Variants in SPG21 observed in about 807,000 individuals in gnomAD.
SPG21 encodes SPG21 abhydrolase domain containing, maspardin, also known as maspardin.
A neutral mutation model predicts 38.9 loss-of-function variants in SPG21; 26 were observed. That is an observed-to-expected ratio of 0.67 (90% CI 0.49 to 0.93). The LOEUF (loss-of-function observed/expected upper bound fraction) is 0.93. SPG21 is among the 40% of genes least tolerant of loss of function. SPG21 has a pLI of 0.00. For synonymous variants in SPG21, 136 were observed against 128.9 expected, an observed-to-expected ratio of 1.05 and a Z score of -0.37; for missense variants, 333 against 376.5, an observed-to-expected ratio of 0.88 and a Z score of 0.96.
chr15:64,970,155 C>T lies in SPG21; in HGVS notation c.520G>A (p.Asp174Asn). 1.2e-6 allele frequency: 2 copies of T among 1,614,152 alleles called. No homozygotes were observed. Among genetic ancestry groups the T allele is most frequent in the Non-Finnish European group, 8.5e-7 (1 of 1,180,028 alleles). The change falls in exon 6 of 9, where the codon GAC becomes AAC. Residue 174 changes from aspartate to asparagine, a missense_variant. Physicochemically the swap from Asp to Asn is conservative, Grantham distance 23. Coordinates refer to ENST00000204566, the MANE Select transcript of SPG21 (RefSeq NM_016630.7). ...TCAATGGCATCAGCCATCATAGGGT[C>T]CACCGGGCCAGATGAAAAATTTCCA... ...VLGNFSSGPV[D>N]PMMADAIDFM...
intron 3 of SPG21, among the ~76,000 whole-genome samples, chr15:64,977,511 A>G (rs2140434020): frequency 6.6e-6 from 1 of 152,138 alleles, no homozygotes; most frequent in South Asian, 2.1e-4. Flanking sequence ...GGCATGCACC[A>G]CCATGCCTGG....
intron 7 of SPG21, among the ~76,000 whole-genome samples, chr15:64,968,721 C>T (rs1595868408): frequency 6.6e-6 from 1 of 152,070 alleles, no homozygotes; most frequent in African/African-American, 2.4e-5. Context: ...AAAAAATAAG[C>T]AAGCTTTTGT....
chr15:64,974,035 T>C (rs1204156938), intron 5 of SPG21, among the ~76,000 whole-genome samples: 1 of 152,188 alleles, frequency 6.6e-6, no homozygotes, highest in Non-Finnish European at 1.5e-5. Flanking sequence ...ATTAGTTACA[T>C]AGAAATACTG....
chr15:64,966,367 CTGTA>C (rs2085540361), intron 7 of SPG21, among the ~76,000 whole-genome samples: 1 of 152,166 alleles, frequency 6.6e-6, no homozygotes, highest in African/African-American at 2.4e-5. Flanking sequence ...CATACCAAAT[CTGTA>C]TGTTTAAGTG....
At chr15:64,982,186 C>G (rs1410091718) in intron 2 of SPG21, among the ~76,000 whole-genome samples, 2 of 148,554 alleles carry the variant, frequency 1.3e-5, no homozygotes, top group African/African-American at 5.0e-5. Flanking sequence ...GCTCTGTCAC[C>G]CAGGCTGGAG....
rs1296903140 is a variant in SPG21 at position 64,969,254 on chromosome 15, C to A, written c.669+1G>T. 1 of 1,583,638 alleles carries A rather than the reference C, an allele frequency of 6.3e-7. No individual in the cohort carries two copies. The highest frequency in any genetic ancestry group is 8.7e-7 in the Non-Finnish European group (1 of 1,152,384). ...GCTATTTTACTTAAAAGGAAGCTTA[C>A]ATCCATAATAGTTACAGGTATGTCC... is the stretch of plus-strand genomic sequence containing the variant. On this transcript the variant is annotated splice_donor_variant, in intron 7 of 8. Coordinates refer to ENST00000204566, the MANE Select transcript of SPG21 (RefSeq NM_016630.7). LOFTEE classifies it high-confidence loss of function.
chr15:64,979,845 CAAAAAAAAA>C (rs71136305), intron 3 of SPG21, among the ~76,000 whole-genome samples: 3 of 89,550 alleles, frequency 3.4e-5, no homozygotes, highest in South Asian at 3.2e-4. Flanking sequence ...TGGAAGCATG[CAAAAAAAAA>C]AAAAAAAAAA....
At chr15:64,974,490 G>A in intron 5 of SPG21, 112 bp downstream of exon 5, 1 of 1,307,746 alleles carries the variant, frequency 7.6e-7, no homozygotes, top group Non-Finnish European at 1.1e-6. Flanking sequence ...AAAAGCCAAG[G>A]AAGTTGCAGA....
At chr15:64,987,646 C>T (rs1473502999) in intron 1 of SPG21, among the ~76,000 whole-genome samples, 1 of 152,234 alleles carries the variant, frequency 6.6e-6, no homozygotes, top group Non-Finnish European at 1.5e-5. Flanking sequence ...AAAAGAGCCA[C>T]AATATTAGCC....
In SPG21 at chr15:64,989,800, G is replaced by C. The variant is rs1034068053; in HGVS notation, c.-160C>G. 2 of 151,754 alleles carry C rather than the reference G, an allele frequency of 1.3e-5. No individual in the cohort carries two copies. The highest frequency in any genetic ancestry group is 4.9e-5 in the African/African-American group (2 of 40,942). The allele number at this position is 151,754 out of a possible 1,614,324, so 9.4% of individuals were successfully genotyped here. On this transcript the variant is annotated 5_prime_UTR_variant, in exon 1 of 9. Transcript: ENST00000204566. ...GCACTCGGGACCCACGGGCACAGCA[G>C]GCTGCGCGGTGCGTGCGGGAGGCCG... is the stretch of plus-strand genomic sequence containing the variant.
At chr15:64,971,432 G>A (rs530385357) in intron 5 of SPG21, among the ~76,000 whole-genome samples, 15 of 152,114 alleles carry the variant, frequency 9.9e-5, no homozygotes, top group African/African-American at 2.7e-4. Context: ...CCAGCTACTC[G>A]GGAGGCTGAG....
chr15:64,965,744 T>G (rs1383756468), intron 7 of SPG21, among the ~76,000 whole-genome samples: 2 of 151,876 alleles, frequency 1.3e-5, no homozygotes, highest in Non-Finnish European at 2.9e-5. Flanking sequence ...TTTTTTTTTT[T>G]GAGGTAGAGT....
At position 64,970,225 on chromosome 15, in the gene SPG21, G is replaced by A. The variant is rs958910728; in HGVS notation, c.453-3C>T. ...TAAATGCAGGCATCAGCCAAAAGCTGTAAAACACAAAGACCTTATAATTTA... is the reference window on the plus strand; with the variant it reads ...TAAATGCAGGCATCAGCCAAAAGCTATAAAACACAAAGACCTTATAATTTA... On this transcript the variant is annotated splice_region_variant and splice_polypyrimidine_tract_variant and intron_variant, in intron 5 of 8. Coordinates refer to ENST00000204566, the MANE Select transcript of SPG21 (RefSeq NM_016630.7). 1.3e-5 allele frequency: 21 copies of A among 1,610,678 alleles called. No individual in the cohort carries two copies. The Middle Eastern group carries it at 4.9e-4, about 38-fold the overall frequency.
At chr15:64,984,939 C>T (rs1044411157) in intron 1 of SPG21, among the ~76,000 whole-genome samples, 5 of 151,776 alleles carry the variant, frequency 3.3e-5, no homozygotes, top group East Asian at 3.9e-4. Context: ...TTAGTAGAGA[C>T]GGGGTTTCAC....
At position 64,963,626 on chromosome 15, in the gene SPG21, C is replaced by T; in HGVS notation, c.921G>A (p.Glu307=). Residue 307 remains glutamate (E), a synonymous_variant, in exon 9 of 9, where the codon GAG becomes GAA. Coordinates refer to ENST00000204566, the MANE Select transcript of SPG21 (RefSeq NM_016630.7). ...ATTGACAGCGAGAGACACACTACTGCTCCTCCTGGCTGATGCCAAGGCTGC... is the reference window on the plus strand; with the variant it reads ...ATTGACAGCGAGAGACACACTACTGTTCCTCCTGGCTGATGCCAAGGCTGC... The part of the protein sequence containing the change: ...QKGSLGISQE[E]Q The T allele has an allele frequency of 2.5e-6, 4 of 1,613,544 alleles. No homozygotes were observed. In the Admixed American group the frequency reaches 6.7e-5, roughly 27 times the overall value.
rs763421089 is a variant in SPG21, at chr15:64,983,523, G to A, written c.47C>T (p.Thr16Ile). The change falls in exon 2 of 9, where the codon ACA (threonine) becomes ATA (isoleucine). Residue 16 changes from threonine (T) to isoleucine (I), a missense_variant. Transcript: ENST00000204566. ...CATACATACCTTTTTAAGGGGAACT[G>A]TACCTCTAAACCAGTTATAATCAGG... is the stretch of plus-strand genomic sequence containing the variant. ...VSPDYNWFRG[T>I]VPLKKIIVDD... 1.9e-6 allele frequency: 3 copies of A among 1,577,922 alleles called. No homozygotes were observed. The African/African-American group carries it at 4.0e-5, about 21-fold the overall frequency.
At chr15:64,966,333 A>C (rs1430321522) in intron 7 of SPG21, among the ~76,000 whole-genome samples, 1 of 152,140 alleles carries the variant, frequency 6.6e-6, no homozygotes, top group Non-Finnish European at 1.5e-5. Context: ...AAAATAAGCA[A>C]AAAAAATTGT....
At chr15:64,980,175 G>A (rs2085854677) in intron 3 of SPG21, among the ~76,000 whole-genome samples, 1 of 152,182 alleles carries the variant, frequency 6.6e-6, no homozygotes, top group Non-Finnish European at 1.5e-5. Flanking sequence ...AACAGAGCCA[G>A]GAGACGGAGC....
At chr15:64,976,582 T>C in intron 3 of SPG21, 27 bp from the exon 4 acceptor site, 3 of 1,561,744 alleles carry the variant, frequency 1.9e-6, no homozygotes, top group Non-Finnish European at 2.6e-6. Context: ...AATTTTATTT[T>C]TAAAAATCAT....
Sources: gnomAD v4.1 joint callset for allele counts (sites outside exome capture counted in the v4.1 genomes callset) on GRCh38, gnomAD v4.1.1 for gene constraint, MANE v1.5 for transcripts, NCBI Gene and HGNC (gene_info 2026-07-23, HGNC 2026-07-21) for gene names.